PRKG1: variants seen among roughly 807,000 people sequenced by gnomAD.
PRKG1 encodes the protein cGMP-dependent protein kinase 1.
In PRKG1, 35 loss-of-function variants were observed where a neutral mutation model predicts 88.1. The ratio of observed to expected loss-of-function variants is 0.40; its 90% CI spans 0.30 to 0.53. PRKG1 has a LOEUF of 0.53. Ranked by LOEUF, PRKG1 falls within the 20% of genes least tolerant of loss-of-function variation. The pLI, the probability that PRKG1 is intolerant of heterozygous loss-of-function variation, is 0.59. For synonymous variants in PRKG1, 303 were observed against 292.5 expected (o/e 1.04, Z -0.37); for missense variants, 540 against 839.8 (o/e 0.64, Z 4.41).
At chr10:52,231,824 A>G in intron 9 of PRKG1, among the ~76,000 whole-genome samples, 1 of 152,154 alleles carries the variant, frequency 6.6e-6, no homozygotes, top group Non-Finnish European at 1.5e-5. Flanking sequence ...AGCAAGTAAC[A>G]CTCTAGAAAT....
chr10:52,276,470 T>A (rs559567654), intron 12 of PRKG1, among the ~76,000 whole-genome samples: 1 of 152,282 alleles, frequency 6.6e-6, no homozygotes, highest in East Asian at 1.9e-4. Context: ...ATCCAAGAAC[T>A]CAGTTTATGA....
intron 7 of PRKG1, among the ~76,000 whole-genome samples, chr10:52,093,206 G>A (rs1012877562): frequency 2.6e-5 from 4 of 152,114 alleles, no homozygotes; most frequent in Admixed American, 1.3e-4. Context: ...AGATTACTAC[G>A]TAATAGAGAC....
chr10:51,833,171 T>C (rs6480493), intron 4 of PRKG1, among the ~76,000 whole-genome samples: 31,833 of 152,034 alleles, frequency 0.21, 5,350 homozygotes, highest in African/African-American at 0.47. Context: ...AGTCATGCAC[T>C]CAAAAGCAAG....
At chr10:51,126,927 G>A (rs1488625868) in intron 1 of PRKG1, among the ~76,000 whole-genome samples, 2 of 152,030 alleles carry the variant, frequency 1.3e-5, no homozygotes, top group South Asian at 2.1e-4. Context: ...AATTGAAATT[G>A]GACCCTTTCC....
At chr10:51,241,995 G>T (rs1306455131) in intron 2 of PRKG1, among the ~76,000 whole-genome samples, 1 of 151,622 alleles carries the variant, frequency 6.6e-6, no homozygotes, top group Non-Finnish European at 1.5e-5. Context: ...AAAAAAAGAT[G>T]AATAATGTAA....
At chr10:52,158,501 G>A (rs540749647) in intron 8 of PRKG1, among the ~76,000 whole-genome samples, 10 of 151,694 alleles carry the variant, frequency 6.6e-5, no homozygotes, top group African/African-American at 2.4e-4. Context: ...TGCCAGGAGT[G>A]ATAAATTCTA....
At chr10:51,307,695 T>C (rs1282534643) in intron 2 of PRKG1, among the ~76,000 whole-genome samples, 2 of 152,178 alleles carry the variant, frequency 1.3e-5, no homozygotes, top group Non-Finnish European at 2.9e-5. Flanking sequence ...AGTTAATTTT[T>C]GAAATAGCTC....
At chr10:51,283,571 C>A (rs1840356671) in intron 2 of PRKG1, among the ~76,000 whole-genome samples, 1 of 152,042 alleles carries the variant, frequency 6.6e-6, no homozygotes, top group Non-Finnish European at 1.5e-5. Context: ...TTAAAGATTG[C>A]TAGTTTGAGA....
At chr10:51,327,666 C>T (rs943033032) in intron 2 of PRKG1, among the ~76,000 whole-genome samples, 1 of 152,096 alleles carries the variant, frequency 6.6e-6, no homozygotes, top group African/African-American at 2.4e-5. Flanking sequence ...TGCAATACAG[C>T]CTATTGCTTT....
chr10:51,363,848 G>A (rs1157934395), intron 2 of PRKG1, among the ~76,000 whole-genome samples: 1 of 151,942 alleles, frequency 6.6e-6, no homozygotes, highest in African/African-American at 2.4e-5. Flanking sequence ...ATGCACAAAG[G>A]CAAAGTACTT....
chr10:51,918,032 A>G (rs1411937318), intron 5 of PRKG1, among the ~76,000 whole-genome samples: 1 of 152,212 alleles, frequency 6.6e-6, no homozygotes, highest in East Asian at 1.9e-4. Flanking sequence ...CCACTTATTG[A>G]TGCAAACTCT....
At chr10:51,609,243 A>C (rs1031102076) in intron 3 of PRKG1, among the ~76,000 whole-genome samples, 1 of 152,140 alleles carries the variant, frequency 6.6e-6, no homozygotes, top group African/African-American at 2.4e-5. Context: ...TACTATATTC[A>C]TGTCCTAGGC....
At chr10:51,794,278 T>C (rs1307845024) in intron 3 of PRKG1, among the ~76,000 whole-genome samples, 1 of 152,092 alleles carries the variant, frequency 6.6e-6, no homozygotes, top group African/African-American at 2.4e-5. Context: ...TTCAACACCC[T>C]ACATGTAGTA....
intron 5 of PRKG1, among the ~76,000 whole-genome samples, chr10:52,044,577 TG>T (rs1330409606): frequency 6.6e-6 from 1 of 152,180 alleles, no homozygotes; most frequent in African/African-American, 2.4e-5. Context: ...TTTATCAAAG[TG>T]TTGTTTGTTG....
intron 2 of PRKG1, among the ~76,000 whole-genome samples, chr10:51,228,791 C>G (rs1287625461): frequency 6.6e-6 from 1 of 152,202 alleles, no homozygotes; most frequent in Non-Finnish European, 1.5e-5. Context: ...TCCTGTTAAC[C>G]TTTCAATGCC....
intron 4 of PRKG1, among the ~76,000 whole-genome samples, chr10:51,851,026 G>T (rs1022400273): frequency 6.6e-6 from 1 of 152,064 alleles, no homozygotes; most frequent in African/African-American, 2.4e-5. Flanking sequence ...AATGACAAAC[G>T]TGCTGGGATG....
intron 8 of PRKG1, among the ~76,000 whole-genome samples, chr10:52,150,410 C>T (rs1837880633): frequency 6.6e-6 from 1 of 151,966 alleles, no homozygotes; most frequent in Non-Finnish European, 1.5e-5. Flanking sequence ...ACTTAATTTT[C>T]TTAGCCTTGA....
At position 50,991,998 on chromosome 10, in the gene PRKG1, C is replaced by T. The variant is rs1329521641; in HGVS notation, c.266+354C>T. ...TGTCCTTCGTGCGCCCCGCTGGGAG[C>T]GTCCACGCAGGGACCCAACCCTGCC... On this transcript the variant is annotated intron_variant, in intron 1 of 17. Coordinates refer to the PRKG1 transcript ENST00000401604. This position sits in a 1 kb window ranked among gnomAD's most constrained non-coding sequence, Gnocchi z 4.5. 6.6e-6 allele frequency among the ~76,000 whole-genome samples: 1 copy of T among 152,030 alleles called. No individual in the cohort carries two copies. The highest frequency in any genetic ancestry group is 1.5e-5 in the Non-Finnish European group (1 of 67,978).
chr10:51,377,599 T>A (rs1842842799), intron 2 of PRKG1, among the ~76,000 whole-genome samples: 2 of 150,634 alleles, frequency 1.3e-5, no homozygotes, highest in Admixed American at 1.3e-4. Context: ...TCCCACATGG[T>A]GTTTTTTTTT....
Sources: allele counts gnomAD v4.1 joint callset (sites outside exome capture counted in the v4.1 genomes callset), GRCh38; gene constraint gnomAD v4.1.1; non-coding constraint Gnocchi (gnomAD v3.1); transcripts MANE v1.5; gene names NCBI Gene and HGNC (gene_info 2026-07-23, HGNC 2026-07-21).